GRID2: variants seen among roughly 807,000 people sequenced by gnomAD.
GRID2 encodes the protein glutamate ionotropic receptor delta type subunit 2.
Under a neutral mutation model 114.8 loss-of-function variants are expected in GRID2, and 33 were observed. That is an observed-to-expected ratio of 0.29 (90% CI 0.22 to 0.38). The LOEUF (loss-of-function observed/expected upper bound fraction) is 0.38, where lower values mean the gene tolerates loss of function less well. Ranked by LOEUF, GRID2 falls within the 10% of genes least tolerant of loss-of-function variation. The probability of loss-of-function intolerance (pLI) is 1.00; values close to 1 mark genes in which losing one functional copy is unlikely to be tolerated. For synonymous variants in GRID2, 505 were observed against 449.9 expected (o/e 1.12, Z -1.55); for missense variants, 1,184 against 1,257.7 (o/e 0.94, Z 0.89).
intron 1 of GRID2, among the ~76,000 whole-genome samples, chr4:92,457,258 T>A (rs1721260126): frequency 6.6e-6 from 1 of 152,174 alleles, no homozygotes; most frequent in African/African-American, 2.4e-5. Context: ...AAAATCACTG[T>A]CTTCTCATCA....
chr4:93,237,155 CT>C (rs1746896479), intron 7 of GRID2, among the ~76,000 whole-genome samples: 1 of 151,810 alleles, frequency 6.6e-6, no homozygotes, highest in Non-Finnish European at 1.5e-5. Context: ...ATGTTCTTGA[CT>C]GCTAAATCAT....
At chr4:92,513,124 GA>G (rs2149133297) in intron 1 of GRID2, among the ~76,000 whole-genome samples, 1 of 151,948 alleles carries the variant, frequency 6.6e-6, no homozygotes, top group African/African-American at 2.4e-5. Flanking sequence ...CGTGTATATG[GA>G]TTTGTATCAT....
intron 1 of GRID2, among the ~76,000 whole-genome samples, chr4:92,362,653 C>T (rs1277189393): frequency 6.6e-6 from 1 of 151,800 alleles, no homozygotes; most frequent in African/African-American, 2.4e-5. Context: ...CAAAACAAAC[C>T]TATTTCAAAC....
At chr4:93,774,571 A>G (rs1270717119), downstream of GRID2, 1 of 152,144 alleles carries the variant, frequency 6.6e-6, no homozygotes, top group African/African-American at 2.4e-5. Context: ...CTCTCATACT[A>G]TTGAAGTCTT....
chr4:92,643,256 TTTG>T (rs1018521156), intron 2 of GRID2, among the ~76,000 whole-genome samples: 3 of 151,834 alleles, frequency 2.0e-5, no homozygotes, highest in African/African-American at 7.2e-5. Flanking sequence ...TCCATGTATT[TTTG>T]TTATGTCTGA....
intron 1 of GRID2, among the ~76,000 whole-genome samples, chr4:92,381,506 GTT>G (rs34512736): frequency 1.3e-5 from 2 of 148,620 alleles, no homozygotes; most frequent in South Asian, 2.1e-4. Context: ...TAAAAGAAGT[GTT>G]TTTTTTTTTC....
chr4:92,953,089 A>G (rs1752146975), intron 2 of GRID2, among the ~76,000 whole-genome samples: 1 of 152,118 alleles, frequency 6.6e-6, no homozygotes, highest in Admixed American at 6.6e-5. Flanking sequence ...TTAGTACACC[A>G]ACAGTCGTAT....
chr4:92,758,946 A>C (rs1737857378), intron 2 of GRID2, among the ~76,000 whole-genome samples: 1 of 152,224 alleles, frequency 6.6e-6, no homozygotes, highest in South Asian at 2.1e-4. Context: ...TCTTTCTGCA[A>C]ACAAATATGG....
chr4:92,557,913 T>C (rs1376994502), intron 1 of GRID2, among the ~76,000 whole-genome samples: 1 of 152,128 alleles, frequency 6.6e-6, no homozygotes, highest in Non-Finnish European at 1.5e-5. Context: ...ATTGAAATAT[T>C]CTGCAGATAC....
At chr4:92,700,479 G>T (rs1195291374) in intron 2 of GRID2, among the ~76,000 whole-genome samples, 2 of 152,116 alleles carry the variant, frequency 1.3e-5, no homozygotes, top group Non-Finnish European at 2.9e-5. Context: ...ATCATAGGGG[G>T]AAATGTGCAT....
intron 1 of GRID2, among the ~76,000 whole-genome samples, chr4:92,474,385 T>C (rs1722192819): frequency 6.6e-6 from 1 of 152,156 alleles, no homozygotes; most frequent in Non-Finnish European, 1.5e-5. Flanking sequence ...CCTGATTGTA[T>C]ATATATGACA....
chr4:93,046,558 G>C (rs1726157090), intron 2 of GRID2, among the ~76,000 whole-genome samples: 1 of 151,946 alleles, frequency 6.6e-6, no homozygotes, highest in South Asian at 2.1e-4. Context: ...TTTAGTATCT[G>C]AAAGAATATT....
chr4:93,348,225 C>T (rs1357104319), intron 8 of GRID2, among the ~76,000 whole-genome samples: 1 of 152,072 alleles, frequency 6.6e-6, no homozygotes, highest in Non-Finnish European at 1.5e-5. Context: ...TTTTATATAA[C>T]ACAAGGTCAA....
chr4:93,460,024 C>T (rs1466480145), intron 11 of GRID2, among the ~76,000 whole-genome samples: 4 of 152,136 alleles, frequency 2.6e-5, no homozygotes, highest in East Asian at 1.9e-4. Context: ...TAGATTGAGG[C>T]TACCTCATTT....
chr4:92,309,175 T>C (rs1005425253), intron 1 of GRID2, among the ~76,000 whole-genome samples: 6 of 152,042 alleles, frequency 3.9e-5, no homozygotes, highest in Admixed American at 3.9e-4. Context: ...TAAAAGCCAA[T>C]TGAAATTGTT....
At chr4:92,959,595 G>A (rs1436083310) in intron 2 of GRID2, among the ~76,000 whole-genome samples, 1 of 151,912 alleles carries the variant, frequency 6.6e-6, no homozygotes, top group Non-Finnish European at 1.5e-5. Flanking sequence ...GCAAAGACTT[G>A]GAACCAACCC....
At chr4:93,095,029 G>A (rs928687859) in intron 3 of GRID2, among the ~76,000 whole-genome samples, 5 of 151,312 alleles carry the variant, frequency 3.3e-5, no homozygotes, top group African/African-American at 7.3e-5. Context: ...AAAAATAAAT[G>A]GAAATAAAAC....
intron 1 of GRID2, among the ~76,000 whole-genome samples, chr4:92,341,402 AT>A (rs1180899742): frequency 1.3e-5 from 2 of 152,042 alleles, no homozygotes; most frequent in Non-Finnish European, 2.9e-5. Flanking sequence ...GGCTTCAGAG[AT>A]TTTTTTCAGT....
At chr4:93,721,349 A>C (rs917972812) in intron 14 of GRID2, among the ~76,000 whole-genome samples, 4 of 152,234 alleles carry the variant, frequency 2.6e-5, no homozygotes, top group Non-Finnish European at 4.4e-5. Context: ...TTAGCAACTT[A>C]AATACTTTGA....
Sources: allele counts gnomAD v4.1 joint callset (sites outside exome capture counted in the v4.1 genomes callset), GRCh38; gene constraint gnomAD v4.1.1; transcripts MANE v1.5; gene names NCBI Gene and HGNC (gene_info 2026-07-23, HGNC 2026-07-21).